GLIS1: variants seen among roughly 807,000 people sequenced by gnomAD.
GLIS1 encodes the protein GLIS family zinc finger 1, also known as zinc finger protein GLIS1.
GLIS1 carries 24 observed loss-of-function variants against 63.8 expected under a neutral mutation model. The ratio of observed to expected loss-of-function variants is 0.38; its 90% CI spans 0.27 to 0.53. The LOEUF (loss-of-function observed/expected upper bound fraction) is 0.53. Among genes scored for constraint, GLIS1 ranks in the 20% least tolerant of loss-of-function variants. The pLI, the probability that GLIS1 is intolerant of heterozygous loss-of-function variation, is 0.85. For missense variants in GLIS1, 1,036 were observed against 1,074.1 expected, an observed-to-expected ratio of 0.96 and a Z score of 0.50; for synonymous variants, 450 against 482.5, an observed-to-expected ratio of 0.93 and a Z score of 0.88.
At chr1:53,508,212 G>A (rs767970258) in intron 10 of GLIS1, among the ~76,000 whole-genome samples, 14 of 152,324 alleles carry the variant, frequency 9.2e-5, no homozygotes, top group South Asian at 2.1e-4. Flanking sequence ...CTCACGGGGC[G>A]CATGCTGCCC....
intron 4 of GLIS1, among the ~76,000 whole-genome samples, chr1:53,551,435 A>AG (rs1156534381): frequency 9.2e-5 from 14 of 152,154 alleles, no homozygotes; most frequent in Admixed American, 2.6e-4. Context: ...TTGCAGGGCA[A>AG]GGGGGGTCCC....
At chr1:53,555,460 G>A (rs1280223508) in intron 4 of GLIS1, among the ~76,000 whole-genome samples, 1 of 152,152 alleles carries the variant, frequency 6.6e-6, no homozygotes, top group Non-Finnish European at 1.5e-5. Flanking sequence ...AACCCGGGAG[G>A]CAGAGGTTAC....
intron 2 of GLIS1, among the ~76,000 whole-genome samples, chr1:53,638,363 T>C (rs1645749139): frequency 6.6e-6 from 1 of 151,500 alleles, no homozygotes; most frequent in African/African-American, 2.4e-5. Flanking sequence ...GAAACCAAGC[T>C]GAGCAAAACA....
chr1:53,715,162 T>C (rs1646685052), intron 2 of GLIS1, among the ~76,000 whole-genome samples: 1 of 152,324 alleles, frequency 6.6e-6, no homozygotes, highest in African/African-American at 2.4e-5. Context: ...GCCATCTGTC[T>C]ACCTCAGCCC....
intron 2 of GLIS1, among the ~76,000 whole-genome samples, chr1:53,709,415 C>CATATACATATATAT (rs777561220): frequency 0.042 from 5,208 of 123,420 alleles, 371 homozygotes; most frequent in East Asian, 0.34. Context: ...TATATATACA[C>CATATACATATATAT]ACACACACAC....
At chr1:53,674,605 C>T (rs1646192269) in intron 2 of GLIS1, among the ~76,000 whole-genome samples, 1 of 152,012 alleles carries the variant, frequency 6.6e-6, no homozygotes. Flanking sequence ...CAGCATGGTG[C>T]GAGACACTAG....
rs567637127 is a variant in GLIS1, at chr1:53,644,235, C to A, written c.260-43957G>T. On this transcript the variant is annotated intron_variant, in intron 2 of 10. Coordinates refer to ENST00000628545, the MANE Select transcript of GLIS1 (RefSeq NM_001367484.1). ...CTCCACTTGGCTCTGCCCCAGAGAG[C>A]CTCTGACGGCCCAGCTAAAACTGTA... Among the ~76,000 whole-genome samples the A allele has an allele frequency of 2.6e-5, 4 of 152,336 alleles. No individual in the cohort carries two copies. In the East Asian group the frequency reaches 7.7e-4, roughly 29 times the overall value.
intron 2 of GLIS1, among the ~76,000 whole-genome samples, chr1:53,660,944 G>A (rs147583057): frequency 1.4e-3 from 215 of 152,284 alleles, no homozygotes; most frequent in African/African-American, 5.0e-3. Context: ...AGGGGGAGGT[G>A]GCCATGCAGG....
intron 4 of GLIS1, among the ~76,000 whole-genome samples, chr1:53,575,917 G>A (rs969700992): frequency 6.6e-6 from 1 of 152,052 alleles, no homozygotes; most frequent in African/African-American, 2.4e-5. Context: ...GGGGTACAGT[G>A]GGCACGAACA....
rs560110397 is a variant in GLIS1, at chr1:53,547,030, C to G, written c.1321-17078G>C. On this transcript the variant is annotated intron_variant, in intron 4 of 10. Transcript: ENST00000628545. ...GCCCAACAAGGGACTGGACATACAG[C>G]AGGTGCTCAGGGCATGCTTGCTGAC... Among the ~76,000 whole-genome samples, 8 of 152,326 alleles carry G rather than the reference C, an allele frequency of 5.3e-5. 1 individual carries two copies. In the South Asian group the frequency reaches 1.4e-3, roughly 28 times the overall value.
intron 4 of GLIS1, among the ~76,000 whole-genome samples, chr1:53,559,167 G>A (rs12035088): frequency 0.13 from 19,846 of 152,152 alleles, 1,978 homozygotes; most frequent in East Asian, 0.54. Flanking sequence ...CTTTGTGGCC[G>A]CTATCATTTT....
chr1:53,533,396 AC>A (rs2100343119), intron 4 of GLIS1, among the ~76,000 whole-genome samples: 1 of 152,128 alleles, frequency 6.6e-6, no homozygotes, highest in African/African-American at 2.4e-5. Context: ...CTGTGAGTAC[AC>A]CCCCTTACCC....
chr1:53,600,310 C>T (rs1645303478), intron 2 of GLIS1, 32 bp from the exon 3 acceptor site: 1 of 1,225,694 alleles, frequency 8.2e-7, no homozygotes, highest in African/African-American at 1.6e-5. Context: ...GAGAGGGACA[C>T]AGTGAGTGGG....
intron 4 of GLIS1, among the ~76,000 whole-genome samples, chr1:53,564,897 C>T (rs1476559044): frequency 1.3e-5 from 2 of 151,556 alleles, no homozygotes; most frequent in Non-Finnish European, 1.5e-5. Context: ...ACACATTAAA[C>T]AAAGAAAAAA....
chr1:53,715,108 G>C (rs767978415), intron 2 of GLIS1, among the ~76,000 whole-genome samples: 1 of 152,166 alleles, frequency 6.6e-6, no homozygotes, highest in African/African-American at 2.4e-5. Context: ...GTAGCAACAG[G>C]TCTCACTATG....
intron 4 of GLIS1, among the ~76,000 whole-genome samples, chr1:53,581,624 G>T (rs994544885): frequency 6.6e-6 from 1 of 152,186 alleles, no homozygotes; most frequent in African/African-American, 2.4e-5. Flanking sequence ...GTGGCCAAAG[G>T]TGCTACTTTC....
At chr1:53,571,989 G>A (rs755870671) in intron 4 of GLIS1, among the ~76,000 whole-genome samples, 2 of 152,160 alleles carry the variant, frequency 1.3e-5, no homozygotes, top group African/African-American at 4.8e-5. Context: ...ATTGTTTAAG[G>A]ATACATATGT....
intron 5 of GLIS1, among the ~76,000 whole-genome samples, chr1:53,529,567 G>A (rs748833122): frequency 2.0e-5 from 3 of 152,200 alleles, no homozygotes; most frequent in Non-Finnish European, 4.4e-5. Flanking sequence ...TGGTTGTTGC[G>A]ACTGGGAGTG....
intron 2 of GLIS1, among the ~76,000 whole-genome samples, chr1:53,670,613 G>A (rs1451498571): frequency 1.3e-5 from 2 of 152,226 alleles, no homozygotes; most frequent in Non-Finnish European, 2.9e-5. Flanking sequence ...TAAATGTTAA[G>A]TCCTGTGATA....
Sources: gnomAD v4.1 joint callset for allele counts (sites outside exome capture counted in the v4.1 genomes callset) on GRCh38, gnomAD v4.1.1 for gene constraint, MANE v1.5 for transcripts, NCBI Gene and HGNC (gene_info 2026-07-23, HGNC 2026-07-21) for gene names.